The following PCCA variants were observed in gnomAD, a reference collection of about 807,000 sequenced individuals.
PCCA encodes propionyl-CoA carboxylase alpha chain, mitochondrial.
In PCCA, 74 loss-of-function variants were observed where a neutral mutation model predicts 101.3. That is an observed-to-expected ratio of 0.73 (90% CI 0.61 to 0.89). The LOEUF is 0.89. Ranked by LOEUF, PCCA falls within the 40% of genes least tolerant of loss-of-function variation. PCCA has a pLI of 0.00. For synonymous variants in PCCA, 294 were observed against 313.6 expected, an observed-to-expected ratio of 0.94 and a Z score of 0.66; for missense variants, 891 against 907.0, an observed-to-expected ratio of 0.98 and a Z score of 0.23.
chr13:100,120,756 G>C (rs1566514252), intron 4 of PCCA, among the ~76,000 whole-genome samples: 1 of 152,032 alleles, frequency 6.6e-6, no homozygotes, highest in Non-Finnish European at 1.5e-5. Flanking sequence ...TCATTTTCCA[G>C]GCCCTAGGAA....
intron 18 of PCCA, among the ~76,000 whole-genome samples, chr13:100,344,971 C>CA (rs1422633241): frequency 4.6e-5 from 7 of 152,126 alleles, no homozygotes; most frequent in African/African-American, 1.7e-4. Flanking sequence ...TGCCACAAAC[C>CA]ATGCACGTGT....
At chr13:100,294,730 G>C (rs960142942) in intron 12 of PCCA, among the ~76,000 whole-genome samples, 3 of 152,158 alleles carry the variant, frequency 2.0e-5, no homozygotes, top group Non-Finnish European at 4.4e-5. Flanking sequence ...GGAATAGCCA[G>C]TACTCACTTT....
chr13:100,102,858 T>TTA, intron 1 of PCCA, 25 bp from the exon 2 acceptor site: 1 of 1,544,618 alleles, frequency 6.5e-7, no homozygotes, highest in Non-Finnish European at 9.0e-7. Flanking sequence ...TATTTGCAAT[T>TTA]TATTTTGCTT....
At chr13:100,384,027 ATTT>A (rs11301747) in intron 19 of PCCA, among the ~76,000 whole-genome samples, 12 of 134,798 alleles carry the variant, frequency 8.9e-5, no homozygotes, top group Non-Finnish European at 8.1e-5. Context: ...TGAAAGTTTG[ATTT>A]TTTTTTTTTT....
intron 19 of PCCA, among the ~76,000 whole-genome samples, chr13:100,410,169 C>T (rs749706330): frequency 2.6e-5 from 4 of 152,176 alleles, no homozygotes; most frequent in Non-Finnish European, 4.4e-5. Context: ...ACGTGACTGT[C>T]CAAATAGCCT....
chr13:100,507,371 A>G (rs145913336), intron 21 of PCCA, among the ~76,000 whole-genome samples: 71 of 152,280 alleles, frequency 4.7e-4, no homozygotes, highest in African/African-American at 1.6e-3. Context: ...ACATGGCACT[A>G]TGGCGCCACA....
chr13:100,310,037 A>C (rs1480804282), intron 16 of PCCA, 129 bp downstream of exon 16: 5 of 721,524 alleles, frequency 6.9e-6, no homozygotes, highest in Non-Finnish European at 1.2e-5. Flanking sequence ...AGAAATAAGA[A>C]AAACTCAAAT....
intron 4 of PCCA, among the ~76,000 whole-genome samples, chr13:100,135,902 A>T (rs1298023025): frequency 1.3e-5 from 2 of 152,126 alleles, no homozygotes; most frequent in Non-Finnish European, 2.9e-5. Flanking sequence ...TGATATGATC[A>T]TGTGGGGTTT....
At chr13:100,138,752 G>A (rs1318889975) in intron 4 of PCCA, among the ~76,000 whole-genome samples, 1 of 151,874 alleles carries the variant, frequency 6.6e-6, no homozygotes, top group African/African-American at 2.4e-5. Context: ...GGCCAAGATG[G>A]TGAAACTCTG....
intron 21 of PCCA, among the ~76,000 whole-genome samples, chr13:100,450,900 A>G (rs966715078): frequency 6.6e-6 from 1 of 152,240 alleles, no homozygotes; most frequent in African/African-American, 2.4e-5. Context: ...AATATGTTGC[A>G]TTAGTCAAGA....
intron 8 of PCCA, among the ~76,000 whole-genome samples, chr13:100,239,757 C>T (rs1308363141): frequency 5.9e-5 from 9 of 152,282 alleles, no homozygotes; most frequent in African/African-American, 1.9e-4. Context: ...TGTCCTTTAA[C>T]AACTTCCAGA....
At chr13:100,495,705 A>G (rs961390784) in intron 21 of PCCA, among the ~76,000 whole-genome samples, 2 of 152,202 alleles carry the variant, frequency 1.3e-5, no homozygotes, top group African/African-American at 2.4e-5. Flanking sequence ...ACTGACTTCA[A>G]TTTCAAAGTA....
chr13:100,182,595 A>T (rs1266535866), intron 6 of PCCA, among the ~76,000 whole-genome samples: 1 of 152,130 alleles, frequency 6.6e-6, no homozygotes, highest in Admixed American at 6.5e-5. Flanking sequence ...GGAAGCAGAG[A>T]GTAGCCAGCA....
intron 19 of PCCA, among the ~76,000 whole-genome samples, chr13:100,423,427 C>T (rs2078954162): frequency 6.6e-6 from 1 of 152,174 alleles, no homozygotes; most frequent in African/African-American, 2.4e-5. Context: ...ATCACTGTAC[C>T]TCTTATTCGG....
chr13:100,114,571 G>A (rs9557384), intron 4 of PCCA, among the ~76,000 whole-genome samples: 44,045 of 151,996 alleles, frequency 0.29, 7,352 homozygotes, highest in East Asian at 0.69. Context: ...GCGCTGTAGC[G>A]TGGGCGACCA....
intron 4 of PCCA, among the ~76,000 whole-genome samples, chr13:100,138,531 C>T (rs907349976): frequency 2.0e-4 from 31 of 152,118 alleles, no homozygotes; most frequent in African/African-American, 6.8e-4. Flanking sequence ...TCCTTCATTC[C>T]TTATGTTCCA....
chr13:100,461,649 T>C (rs764809309), intron 21 of PCCA, among the ~76,000 whole-genome samples: 5 of 152,200 alleles, frequency 3.3e-5, no homozygotes, highest in Non-Finnish European at 7.3e-5. Flanking sequence ...TCAGTGTGAT[T>C]TCAGGAATGA....
intron 18 of PCCA, among the ~76,000 whole-genome samples, chr13:100,360,109 A>AG (rs1435511913): frequency 6.6e-6 from 1 of 152,060 alleles, no homozygotes; most frequent in African/African-American, 2.4e-5. Flanking sequence ...ATGGACGAGG[A>AG]GGGGCAAGTC....
intron 18 of PCCA, among the ~76,000 whole-genome samples, chr13:100,351,743 G>A (rs1440419846): frequency 6.6e-6 from 1 of 152,126 alleles, no homozygotes; most frequent in Non-Finnish European, 1.5e-5. Context: ...ATAGATTAGT[G>A]AAGATAAAAA....
Sources: allele counts gnomAD v4.1 joint callset (sites outside exome capture counted in the v4.1 genomes callset), GRCh38; gene constraint gnomAD v4.1.1; transcripts MANE v1.5; gene names NCBI Gene and HGNC (gene_info 2026-07-23, HGNC 2026-07-21).